DOCK3: variants seen among roughly 807,000 people sequenced by gnomAD.
The protein encoded by DOCK3 is dedicator of cytokinesis 3.
In DOCK3, 60 loss-of-function variants were observed where a neutral mutation model predicts 265.6. That is an observed-to-expected ratio of 0.23 (90% CI 0.18 to 0.28). The LOEUF is 0.28. Ranked by LOEUF, DOCK3 falls within the 10% of genes least tolerant of loss-of-function variation. The pLI, the probability that DOCK3 is intolerant of heterozygous loss-of-function variation, is 1.00. For synonymous variants in DOCK3, 881 were observed against 938.0 expected (o/e 0.94, Z 1.11); for missense variants, 1,981 against 2,594.3 (o/e 0.76, Z 5.14).
chr3:50,831,518 T>C (rs898790892), intron 2 of DOCK3, among the ~76,000 whole-genome samples: 5 of 152,170 alleles, frequency 3.3e-5, no homozygotes, highest in African/African-American at 1.2e-4. Flanking sequence ...CTGAGAATAA[T>C]GGTTTCCAGC....
intron 4 of DOCK3, 43 bp from the exon 5 acceptor site, chr3:50,933,938 T>G (rs766783315): frequency 7.2e-7 from 1 of 1,393,868 alleles, no homozygotes. Context: ...GCCGAGATTT[T>G]TTTCAGAGAT....
At chr3:51,103,179 A>G (rs1478238304) in intron 9 of DOCK3, among the ~76,000 whole-genome samples, 7 of 152,194 alleles carry the variant, frequency 4.6e-5, no homozygotes, top group Non-Finnish European at 7.3e-5. Flanking sequence ...AAATATAAAT[A>G]TTTCAGCACC....
At chr3:50,870,133 A>G (rs932979419) in intron 3 of DOCK3, among the ~76,000 whole-genome samples, 3 of 152,184 alleles carry the variant, frequency 2.0e-5, no homozygotes, top group Admixed American at 2.0e-4. Context: ...GATTCATTTC[A>G]TCTGTAGTGC....
At chr3:50,696,007 T>A (rs916181905) in intron 1 of DOCK3, among the ~76,000 whole-genome samples, 3 of 151,946 alleles carry the variant, frequency 2.0e-5, no homozygotes, top group Admixed American at 2.0e-4. Context: ...TAGCCTGGGG[T>A]TTGTCTTACT....
chr3:51,091,504 A>G (rs900060524), intron 9 of DOCK3, among the ~76,000 whole-genome samples: 7 of 152,080 alleles, frequency 4.6e-5, no homozygotes, highest in African/African-American at 1.7e-4. Context: ...CAACATAGTG[A>G]AACCCCATCT....
intron 19 of DOCK3, among the ~76,000 whole-genome samples, chr3:51,231,528 A>G (rs144114459): frequency 1.0e-3 from 153 of 151,996 alleles, no homozygotes; most frequent in Non-Finnish European, 1.8e-3. Context: ...CAGCATTTTT[A>G]TATGTTTATT....
chr3:50,700,567 A>T (rs1203221964), intron 1 of DOCK3, among the ~76,000 whole-genome samples: 1 of 152,230 alleles, frequency 6.6e-6, no homozygotes, highest in African/African-American at 2.4e-5. Flanking sequence ...TTCACTTCAC[A>T]TAATGACCTC....
chr3:51,172,903 G>A (rs945133397), intron 12 of DOCK3, among the ~76,000 whole-genome samples: 3 of 152,028 alleles, frequency 2.0e-5, no homozygotes, highest in African/African-American at 7.2e-5. Context: ...AATAGCAATT[G>A]TGTGTGAAAA....
In DOCK3 at chr3:51,246,802, A is replaced by C. The variant is rs919802467; in HGVS notation, c.2179A>C (p.Met727Leu). Residue 727 changes from methionine to leucine, a missense_variant, in exon 22 of 53, where the codon ATG (methionine) becomes CTG (leucine). Coordinates refer to ENST00000266037, the MANE Select transcript of DOCK3 (RefSeq NM_004947.5). Reference sequence around the variant, plus strand: ...TCGACAGGACCACATTCAAGAAGCTATGCGGGTAATGTACTAACCTCTCCA... The same window carrying C: ...TCGACAGGACCACATTCAAGAAGCTCTGCGGGTAATGTACTAACCTCTCCA... ...LIRQDHIQEA[M>L]RALEYLFKFI... The C allele has an allele frequency of 9.3e-6, 15 of 1,612,676 alleles. No homozygotes were observed. The highest frequency in any genetic ancestry group is 1.3e-5 in the Non-Finnish European group (15 of 1,179,376).
At chr3:50,796,868 G>A (rs2042817260) in intron 2 of DOCK3, among the ~76,000 whole-genome samples, 2 of 151,966 alleles carry the variant, frequency 1.3e-5, no homozygotes, top group South Asian at 2.1e-4. Flanking sequence ...GGGGGCTAAT[G>A]CTCACTCACA....
At chr3:50,840,583 A>G (rs1261146312) in intron 2 of DOCK3, among the ~76,000 whole-genome samples, 1 of 152,142 alleles carries the variant, frequency 6.6e-6, no homozygotes, top group Non-Finnish European at 1.5e-5. Flanking sequence ...TCTTTCACCA[A>G]TATCATACTG....
chr3:51,222,813 C>G (rs1409128886), intron 14 of DOCK3, among the ~76,000 whole-genome samples: 2 of 152,182 alleles, frequency 1.3e-5, no homozygotes, highest in African/African-American at 2.4e-5. Flanking sequence ...GTAGCTTAAT[C>G]CTTCCGTTTT....
chr3:51,241,805 TTGTC>T (rs2078623767), intron 21 of DOCK3, among the ~76,000 whole-genome samples: 1 of 152,220 alleles, frequency 6.6e-6, no homozygotes, highest in Admixed American at 6.5e-5. Flanking sequence ...ACTAACTATT[TTGTC>T]TGTCAGCTCC....
chr3:50,700,109 G>A (rs544727893), intron 1 of DOCK3, among the ~76,000 whole-genome samples: 4 of 152,080 alleles, frequency 2.6e-5, no homozygotes, highest in South Asian at 2.1e-4. Context: ...TGAAACCCCC[G>A]TCTCTACTAA....
chr3:50,916,833 C>T (rs143273306), intron 4 of DOCK3, among the ~76,000 whole-genome samples: 22 of 135,208 alleles, frequency 1.6e-4, no homozygotes, highest in Middle Eastern at 8.3e-3. Context: ...GGCAACAGAG[C>T]GAGACTCCGT....
intron 6 of DOCK3, among the ~76,000 whole-genome samples, chr3:51,068,963 T>G (rs1416874915): frequency 1.3e-5 from 2 of 152,184 alleles, no homozygotes; most frequent in Non-Finnish European, 2.9e-5. Context: ...TAGATAACAA[T>G]TTTTTATTTT....
intron 12 of DOCK3, among the ~76,000 whole-genome samples, chr3:51,184,364 G>A (rs1220890540): frequency 6.6e-6 from 1 of 151,074 alleles, no homozygotes; most frequent in African/African-American, 2.4e-5. Flanking sequence ...TTAGATAAAT[G>A]GCTGAGTCTA....
At chr3:51,274,763 A>G (rs1405928066) in intron 24 of DOCK3, among the ~76,000 whole-genome samples, 1 of 152,176 alleles carries the variant, frequency 6.6e-6, no homozygotes, top group Non-Finnish European at 1.5e-5. Context: ...CCTGGGTGAC[A>G]GAATGAGACC....
intron 1 of DOCK3, among the ~76,000 whole-genome samples, chr3:50,773,790 A>G (rs2041426351): frequency 6.6e-6 from 1 of 152,062 alleles, no homozygotes. Context: ...GGAGGGTTCA[A>G]TGCAATAAAT....
Sources: gnomAD v4.1 joint callset for allele counts (sites outside exome capture counted in the v4.1 genomes callset) on GRCh38, gnomAD v4.1.1 for gene constraint, MANE v1.5 for transcripts, NCBI Gene and HGNC (gene_info 2026-07-23, HGNC 2026-07-21) for gene names.